Variants in RRAS2 observed in about 807,000 individuals in gnomAD.
The protein encoded by RRAS2 is ras-related protein R-Ras2.
A neutral mutation model predicts 27.6 loss-of-function variants in RRAS2; 7 were observed. The ratio of observed to expected loss-of-function variants is 0.25; its 90% CI spans 0.14 to 0.48. The LOEUF (loss-of-function observed/expected upper bound fraction) is 0.48, where lower values mean the gene tolerates loss of function less well. Among genes scored for constraint, RRAS2 ranks in the 20% least tolerant of loss-of-function variants. The pLI is 0.99. For missense variants in RRAS2, 178 were observed against 256.2 expected (o/e 0.69, Z 2.08); for synonymous variants, 86 against 90.9 (o/e 0.95, Z 0.31).
chr11:14,343,052 A>G (rs1848750031), intron 1 of RRAS2, among the ~76,000 whole-genome samples: 2 of 152,234 alleles, frequency 1.3e-5, no homozygotes, highest in Admixed American at 1.3e-4. Context: ...CAGGCCAGTA[A>G]GACAGCTGGA....
chr11:14,295,753 AG>A lies in RRAS2; in HGVS notation c.196+14del, dbSNP rs781926268. 1.8e-5 allele frequency: 29 copies of A among 1,574,132 alleles called. No individual in the cohort carries two copies. The highest frequency in any genetic ancestry group is 2.4e-5 in the Non-Finnish European group (28 of 1,158,928). On this transcript the variant is annotated intron_variant, in intron 2 of 5. Transcript: ENST00000256196. ...ATATGATATGCAAATTATCAAACAAAGGAAGTTTACTTACTATCTAGCCGGG... is the reference window on the plus strand; with the variant it reads ...ATATGATATGCAAATTATCAAACAAAGAAGTTTACTTACTATCTAGCCGGG...
rs189817659 is a variant in RRAS2 at position 14,318,753 on chromosome 11, C to T, written c.109-22898G>A. On this transcript the variant is annotated intron_variant, in intron 1 of 5. Transcript: ENST00000256196. ...GTGTTTAGGAAAGATAACCCAAACA[C>T]GGACATTTTGTACATTCTTTCAGTC... is the stretch of plus-strand genomic sequence containing the variant. Among the ~76,000 whole-genome samples the T allele has an allele frequency of 9.2e-5, 14 of 152,274 alleles. No individual in the cohort carries two copies. In the East Asian group the frequency reaches 2.7e-3, roughly 29 times the overall value.
intron 1 of RRAS2, among the ~76,000 whole-genome samples, chr11:14,354,677 T>TC (rs1330679324): frequency 6.9e-6 from 1 of 145,564 alleles, no homozygotes. Context: ...AATTTCTTTT[T>TC]TTTTTTTTTT....
chr11:14,293,632 G>A (rs561372705), intron 4 of RRAS2, among the ~76,000 whole-genome samples: 27 of 152,174 alleles, frequency 1.8e-4, no homozygotes, highest in East Asian at 1.9e-4. Flanking sequence ...CTTGCCTGCC[G>A]TCATGTAAGA....
At chr11:14,304,888 T>G (rs782357890) in intron 1 of RRAS2, among the ~76,000 whole-genome samples, 1 of 151,942 alleles carries the variant, frequency 6.6e-6, no homozygotes, top group Non-Finnish European at 1.5e-5. Flanking sequence ...CCTCCCTTAT[T>G]TTTTTTGTCA....
intron 1 of RRAS2, among the ~76,000 whole-genome samples, chr11:14,339,975 C>T (rs1311030636): frequency 2.6e-5 from 4 of 151,616 alleles, no homozygotes; most frequent in Admixed American, 6.6e-5. Context: ...AAAAAATAGC[C>T]GGGTGTGGTG....
chr11:14,306,891 T>A (rs1354288711), intron 1 of RRAS2, among the ~76,000 whole-genome samples: 138 of 132,920 alleles, frequency 1.0e-3, no homozygotes, highest in African/African-American at 1.2e-3. Flanking sequence ...TGTGCCAAGA[T>A]AAAAAAAAAA....
chr11:14,310,431 A>G (rs2133982441), intron 1 of RRAS2, among the ~76,000 whole-genome samples: 1 of 152,332 alleles, frequency 6.6e-6, no homozygotes, highest in Admixed American at 6.5e-5. Flanking sequence ...CAGGAAAATG[A>G]GAAAGATCTA....
intron 1 of RRAS2, chr11:14,341,736 T>C: frequency 2.3e-6 from 1 of 435,716 alleles, no homozygotes; most frequent in South Asian, 1.7e-5. Flanking sequence ...TAAGTCAGAG[T>C]ACATTCTCTG....
chr11:14,333,038 C>A (rs116589465), intron 1 of RRAS2, among the ~76,000 whole-genome samples: 2,199 of 152,124 alleles, frequency 0.014, 51 homozygotes, highest in African/African-American at 0.05. Context: ...ATTTCTATTT[C>A]TTCCCATTGT....
At chr11:14,298,033 A>C (rs1422615034) in intron 1 of RRAS2, among the ~76,000 whole-genome samples, 1 of 150,732 alleles carries the variant, frequency 6.6e-6, no homozygotes, top group East Asian at 1.9e-4. Flanking sequence ...TCATGAACTT[A>C]CTTTTTGGCA....
At chr11:14,302,110 A>ACACACACACACCCC (rs1199183770) in intron 1 of RRAS2, among the ~76,000 whole-genome samples, 1 of 143,654 alleles carries the variant, frequency 7.0e-6, no homozygotes, top group Admixed American at 7.1e-5. Context: ...ACACACACAC[A>ACACACACACACCCC]CCAAAAACCA....
chr11:14,359,495 G>C (rs1849160351), upstream of RRAS2, among the ~76,000 whole-genome samples: 1 of 152,184 alleles, frequency 6.6e-6, no homozygotes, highest in South Asian at 2.1e-4. Context: ...TTTTATAGGA[G>C]AGTACATACC....
intron 1 of RRAS2, chr11:14,308,294 A>G (rs1169440087): frequency 2.2e-6 from 1 of 452,434 alleles, no homozygotes; most frequent in East Asian, 7.0e-5. Flanking sequence ...GAATGAAAGA[A>G]GGAACCCAAG....
intron 1 of RRAS2, among the ~76,000 whole-genome samples, chr11:14,300,643 T>C (rs1847674416): frequency 6.6e-6 from 1 of 152,060 alleles, no homozygotes; most frequent in Admixed American, 6.5e-5. Flanking sequence ...AATGCCAAAG[T>C]ATAATATTAT....
At chr11:14,321,911 G>C (rs1159493816) in intron 1 of RRAS2, among the ~76,000 whole-genome samples, 3 of 152,052 alleles carry the variant, frequency 2.0e-5, no homozygotes, top group Non-Finnish European at 2.9e-5. Flanking sequence ...ATATGACAAT[G>C]ATTAGTTCAT....
Position 14,294,752 on chromosome 11 carries a change from G to A in RRAS2, c.299+8C>T. 1 of 1,610,794 alleles carries A rather than the reference G, an allele frequency of 6.2e-7. No homozygotes were observed. The highest frequency in any genetic ancestry group is 8.5e-7 in the Non-Finnish European group (1 of 1,177,320). ...AACAGTGGATCTACATTCTAATATG[G>A]TACAAACCTGCCTCTATCTGTGACT... On this transcript the variant is annotated splice_region_variant and intron_variant, in intron 3 of 5. Transcript: ENST00000256196.
chr11:14,357,027 T>A (rs1262724583), intron 1 of RRAS2, among the ~76,000 whole-genome samples: 1 of 151,784 alleles, frequency 6.6e-6, no homozygotes, highest in African/African-American at 2.4e-5. Flanking sequence ...ACCTCGTGAT[T>A]CACCCGCCTC....
chr11:14,306,911 C>T (rs1170751149), intron 1 of RRAS2, among the ~76,000 whole-genome samples: 2 of 150,316 alleles, frequency 1.3e-5, no homozygotes, highest in African/African-American at 2.4e-5. Context: ...AAAAAAAAGG[C>T]CGGGCGCAGT....
Sources: gnomAD v4.1 joint callset for allele counts (sites outside exome capture counted in the v4.1 genomes callset) on GRCh38, gnomAD v4.1.1 for gene constraint, MANE v1.5 for transcripts, NCBI Gene and HGNC (gene_info 2026-07-23, HGNC 2026-07-21) for gene names.